GOLGA3: variants seen among roughly 807,000 people sequenced by gnomAD.
GOLGA3 encodes golgin A3, also known as golgin subfamily A member 3.
In GOLGA3, 75 loss-of-function variants were observed where a neutral mutation model predicts 169.4. That is an observed-to-expected ratio of 0.44 (90% CI 0.37 to 0.54). GOLGA3 has a LOEUF of 0.54. Among genes scored for constraint, GOLGA3 ranks in the 20% least tolerant of loss-of-function variants. The pLI is 0.00. For synonymous variants in GOLGA3, 824 were observed against 822.4 expected, an observed-to-expected ratio of 1.00 and a Z score of -0.03; for missense variants, 1,899 against 1,930.0, an observed-to-expected ratio of 0.98 and a Z score of 0.30.
intron 16 of GOLGA3, among the ~76,000 whole-genome samples, chr12:132,783,670 T>C (rs1011432753): frequency 1.3e-5 from 2 of 152,208 alleles, no homozygotes; most frequent in African/African-American, 4.8e-5. Context: ...CCTCCGCTCC[T>C]GGGTTCAAGC....
intron 6 of GOLGA3, among the ~76,000 whole-genome samples, chr12:132,806,634 A>C (rs1949419765): frequency 6.6e-6 from 1 of 152,224 alleles, no homozygotes. Flanking sequence ...CCACGCCAGA[A>C]GCGGACAGCT....
intron 3 of GOLGA3, among the ~76,000 whole-genome samples, chr12:132,814,973 G>C (rs1374193754): frequency 1.3e-5 from 2 of 152,168 alleles, no homozygotes; most frequent in Non-Finnish European, 2.9e-5. Context: ...GACGGCCTGG[G>C]TGCCGACCAG....
chr12:132,812,914 C>T (rs909259976), intron 4 of GOLGA3, among the ~76,000 whole-genome samples: 2 of 152,158 alleles, frequency 1.3e-5, no homozygotes, highest in African/African-American at 4.8e-5. Flanking sequence ...CTCAGATGAT[C>T]GTTAGCATTT....
chr12:132,809,112 C>T (rs946035899), intron 4 of GOLGA3, among the ~76,000 whole-genome samples: 4 of 152,160 alleles, frequency 2.6e-5, no homozygotes, highest in Admixed American at 6.5e-5. Flanking sequence ...GTCCACTGGA[C>T]GGGGGCCCTT....
chr12:132,781,567 C>A (rs74348399), intron 17 of GOLGA3, among the ~76,000 whole-genome samples: 12,939 of 151,982 alleles, frequency 0.085, 701 homozygotes, highest in East Asian at 0.15. Context: ...ACAACAACAA[C>A]AAAAAAATGG....
Position 132,780,910 on chromosome 12 carries a change from T to G in GOLGA3, c.3470A>C (p.Gln1157Pro). Residue 1157 changes from glutamine to proline, a missense_variant, in exon 18 of 24, where the codon CAG (glutamine) becomes CCG (proline). Transcript: ENST00000450791. ...CTCTTCTTTGCGCTGCAAAACTGCC[T>G]GCACCTAGATCAGATTGCAGGAGGA... Reference protein sequence around the residue: ...ADLVQLNLQVQAVLQRKEEED... With the variant: ...ADLVQLNLQVPAVLQRKEEED... 3 of 1,608,988 alleles carry G rather than the reference T, an allele frequency of 1.9e-6. No individual in the cohort carries two copies. Among genetic ancestry groups the G allele is most frequent in the Non-Finnish European group, 2.5e-6 (3 of 1,178,452 alleles).
At chr12:132,811,768 A>C (rs1440845396) in intron 4 of GOLGA3, 1 of 688,812 alleles carries the variant, frequency 1.5e-6, no homozygotes, top group East Asian at 1.3e-4. Flanking sequence ...AGCCAGATTA[A>C]AGTATTTAAA....
At chr12:132,825,238 G>A (rs1267385715) in intron 1 of GOLGA3, among the ~76,000 whole-genome samples, 5 of 151,878 alleles carry the variant, frequency 3.3e-5, no homozygotes, top group Admixed American at 6.6e-5. Flanking sequence ...TAAAGGAACC[G>A]ACGGTGTGTG....
intron 11 of GOLGA3, 64 bp downstream of exon 11, chr12:132,795,788 A>C: frequency 6.8e-7 from 1 of 1,480,726 alleles, no homozygotes; most frequent in Non-Finnish European, 9.2e-7. Flanking sequence ...AAAGAAGCAA[A>C]TAATCAGCAT....
At chr12:132,821,255 A>G (rs887044749) in intron 2 of GOLGA3, among the ~76,000 whole-genome samples, 48 of 151,486 alleles carry the variant, frequency 3.2e-4, no homozygotes, top group Non-Finnish European at 3.8e-4. Context: ...AAAAATACAA[A>G]AAATAGCTGG....
rs200545199 is a variant in GOLGA3 at position 132,821,919 on chromosome 12, ATCCTCCCTCAACACCACG to A, written c.133+59_133+76del. 0.012 allele frequency: 11,378 copies of A among 917,896 alleles called. 1,148 individuals are homozygous for A. The East Asian group carries it at 0.25, about 20-fold the overall frequency. 56.9% of individuals were successfully genotyped at this position (917,896 alleles called of 1,614,324 possible). A position where few individuals can be genotyped will look rare whatever the true frequency, so the allele number is the denominator to read the frequency against. On this transcript the variant is annotated intron_variant, in intron 2 of 23. Transcript: ENST00000450791. ...AAGCTCACAGTGGTCTCAACGCCACATCCTCCCTCAACACCACGTCCTCCCTCAACACCAGGTCCTCCT... is the reference window on the plus strand; with the variant it reads ...AAGCTCACAGTGGTCTCAACGCCACATCCTCCCTCAACACCAGGTCCTCCT...
In GOLGA3 at chr12:132,775,716, G is replaced by A. The variant is rs572180128; in HGVS notation, c.3979-411C>T. On this transcript the variant is annotated intron_variant, in intron 21 of 23. Transcript: ENST00000450791. ...GGTGTGAGCCACCAGGCCTGGCCAG[G>A]TTTTGGATTTCTGGATGATGGACGC... 3.3e-5 allele frequency among the ~76,000 whole-genome samples: 5 copies of A among 152,158 alleles called. No individual in the cohort carries two copies. In the East Asian group the frequency reaches 9.6e-4, roughly 29 times the overall value.
At position 132,777,823 on chromosome 12, in the gene GOLGA3, A is replaced by G; in HGVS notation, c.3583-18T>C. 6.2e-7 allele frequency: 1 copy of G among 1,612,934 alleles called. No individual in the cohort carries two copies. The highest frequency in any genetic ancestry group is 8.5e-7 in the Non-Finnish European group (1 of 1,179,604). On this transcript the variant is annotated intron_variant, in intron 18 of 23. Coordinates refer to ENST00000450791, the MANE Select transcript of GOLGA3 (RefSeq NM_001389683.1). This position sits in a 1 kb window ranked among gnomAD's most constrained non-coding sequence, Gnocchi z 4.7. ...GCAGCCACCTAGGAGGAAGGAAGCCACGTTGTCCATGCCCTGCGTGACACC... is the reference window on the plus strand; with the variant it reads ...GCAGCCACCTAGGAGGAAGGAAGCCGCGTTGTCCATGCCCTGCGTGACACC...
At chr12:132,808,715 C>T (rs1202435246) in intron 4 of GOLGA3, among the ~76,000 whole-genome samples, 166 bp from the exon 5 acceptor site, 7 of 152,194 alleles carry the variant, frequency 4.6e-5, no homozygotes, top group South Asian at 4.1e-4. Context: ...GCCTCCGATC[C>T]GTGGTGGTCT....
chr12:132,807,848 ACCCACCTCCACCCACCCCG>A (rs759433429), intron 5 of GOLGA3, 24 bp downstream of exon 5: 4 of 101,288 alleles, frequency 3.9e-5, no homozygotes, highest in Non-Finnish European at 7.6e-5. Context: ...TGTTGGCCCC[ACCCACCTCCACCCACCCCG>A]CCCACCTCTG....
chr12:132,816,524 G>C lies in GOLGA3; in HGVS notation c.406+16C>G. On this transcript the variant is annotated intron_variant, in intron 3 of 23. Coordinates refer to ENST00000450791, the MANE Select transcript of GOLGA3 (RefSeq NM_001389683.1). ...CGGACGTGGAGGGTGGGAAAAGCGG[G>C]GTAACGGATGCTTACACAGTTGCGT... The C allele has an allele frequency of 6.2e-7, 1 of 1,607,616 alleles. No homozygotes were observed. The highest frequency in any genetic ancestry group is 8.5e-7 in the Non-Finnish European group (1 of 1,175,032).
In GOLGA3 at chr12:132,777,557, C is replaced by A. The variant is rs1285322950; in HGVS notation, c.3722+109G>T. 1.6e-5 allele frequency: 20 copies of A among 1,251,512 alleles called. No homozygotes were observed. Among genetic ancestry groups the A allele is most frequent in the Non-Finnish European group, 1.8e-5 (16 of 891,630 alleles). The allele number at this position is 1,251,512 out of a possible 1,614,324, so 77.5% of individuals were successfully genotyped here. ...TACTCCTATGATTCACTCAAGTACT[C>A]GGCAATTTGCAAAATATAGATGACC... On this transcript the variant is annotated intron_variant, in intron 19 of 23. Coordinates refer to ENST00000450791, the MANE Select transcript of GOLGA3 (RefSeq NM_001389683.1). The surrounding 1 kb of genome is among the most constrained non-coding windows in gnomAD (Gnocchi z 4.7).
rs769101985 is a variant in GOLGA3, at chr12:132,777,094, G to A, written c.3723-4C>T. On this transcript the variant is annotated splice_polypyrimidine_tract_variant and splice_region_variant and intron_variant, in intron 19 of 23. Coordinates refer to ENST00000450791, the MANE Select transcript of GOLGA3 (RefSeq NM_001389683.1). The surrounding 1 kb of genome is among the most constrained non-coding windows in gnomAD (Gnocchi z 4.7). ...GGAATGTTTCCCCTCCCGAATCCTA[G>A]CGTAAAAAAACAAGAAAGAAGGGAA... 6 of 1,575,844 alleles carry A rather than the reference G, an allele frequency of 3.8e-6. No individual in the cohort carries two copies. The Admixed American group carries it at 7.8e-5, about 20-fold the overall frequency.
chr12:132,780,587 C>T (rs1477263801), intron 18 of GOLGA3, among the ~76,000 whole-genome samples: 1 of 152,244 alleles, frequency 6.6e-6, no homozygotes, highest in Non-Finnish European at 1.5e-5. Flanking sequence ...GCTCATTGGC[C>T]CCAGGCCCTC....
Sources: gnomAD v4.1 joint callset for allele counts (sites outside exome capture counted in the v4.1 genomes callset) on GRCh38, gnomAD v4.1.1 for gene constraint, Gnocchi (gnomAD v3.1) non-coding constraint, MANE v1.5 for transcripts, NCBI Gene and HGNC (gene_info 2026-07-23, HGNC 2026-07-21) for gene names.